Variants in CELF2 observed in about 807,000 individuals in gnomAD.
CELF2 encodes the protein CUGBP Elav-like family member 2.
A neutral mutation model predicts 62.6 loss-of-function variants in CELF2; 8 were observed. That is an observed-to-expected ratio of 0.13 (90% confidence interval 0.07 to 0.23). The LOEUF is 0.23. Among genes scored for constraint, CELF2 ranks in the 10% least tolerant of loss-of-function variants. The pLI, the probability that CELF2 is intolerant of heterozygous loss-of-function variation, is 1.00. For synonymous variants in CELF2, 258 were observed against 250.0 expected (o/e 1.03, Z -0.30); for missense variants, 333 against 671.0 (o/e 0.50, Z 5.56).
At chr10:10,714,172 G>A in the CELF2 span, among the ~76,000 whole-genome samples, 1 of 152,124 alleles carries the variant, frequency 6.6e-6, no homozygotes, top group Non-Finnish European at 1.5e-5. Flanking sequence ...ACATCTTTTG[G>A]CCACTAGAAA....
chr10:10,718,537 T>C, the CELF2 span, among the ~76,000 whole-genome samples: 3 of 150,630 alleles, frequency 2.0e-5, no homozygotes, highest in African/African-American at 7.3e-5. Flanking sequence ...GACAGGAGAA[T>C]TGCTTGACCC....
intron 1 of CELF2, among the ~76,000 whole-genome samples, chr10:11,153,843 GT>G (rs1404068938): frequency 6.6e-6 from 1 of 152,208 alleles, no homozygotes; most frequent in Admixed American, 6.5e-5. Context: ...GAATTGTACA[GT>G]TTTTTCCCCT....
chr10:10,701,125 T>TA, the CELF2 span, among the ~76,000 whole-genome samples: 1 of 152,182 alleles, frequency 6.6e-6, no homozygotes, highest in African/African-American at 2.4e-5. Flanking sequence ...TCTGCTGTAA[T>TA]AAAACATCAT....
chr10:10,487,868 G>A, the CELF2 span, among the ~76,000 whole-genome samples: 2 of 152,216 alleles, frequency 1.3e-5, no homozygotes, highest in Middle Eastern at 3.4e-3. Context: ...ACATAAGAAT[G>A]AGAAATTGAA....
chr10:11,201,828 TATC>T (rs1415702424), intron 2 of CELF2, among the ~76,000 whole-genome samples: 1 of 152,228 alleles, frequency 6.6e-6, no homozygotes, highest in African/African-American at 2.4e-5. Context: ...TCCAGGCAAT[TATC>T]ATCTTCAGGA....
rs141398687 is a variant in CELF2, at chr10:11,263,434, C to T, written c.539-3164C>T. 2.4e-3 allele frequency among the ~76,000 whole-genome samples: 372 copies of T among 152,194 alleles called. 2 individuals carry two copies. Among genetic ancestry groups the T allele is most frequent in the Admixed American group, 0.015 (230 of 15,292 alleles). On this transcript the variant is annotated intron_variant, in intron 5 of 12. Transcript: ENST00000633077. ...GAAGTATGGCTTCATTATTTTGATACCTGTATATTTTCCCCCCAGCCTTGT... is the reference window on the plus strand; with the variant it reads ...GAAGTATGGCTTCATTATTTTGATATCTGTATATTTTCCCCCCAGCCTTGT...
At position 11,314,352 on chromosome 10, in the gene CELF2, A is replaced by G; in HGVS notation, c.1096+94A>G. 1 of 1,545,628 alleles carries G rather than the reference A, an allele frequency of 6.5e-7. No homozygotes were observed. The highest frequency in any genetic ancestry group is 8.9e-7 in the Non-Finnish European group (1 of 1,119,560). Reference sequence around the variant, plus strand: ...TCAGCCAGAAATGACCCGAAAAAGGATATGCCACGGGGAGAACTAAAACTT... The same window carrying G: ...TCAGCCAGAAATGACCCGAAAAAGGGTATGCCACGGGGAGAACTAAAACTT... On this transcript the variant is annotated intron_variant, in intron 10 of 12. Transcript: ENST00000633077. The surrounding 1 kb of genome is among the most constrained non-coding windows in gnomAD (Gnocchi z 5.3).
the CELF2 span, among the ~76,000 whole-genome samples, chr10:10,769,940 T>C: frequency 1.4e-3 from 214 of 152,240 alleles, no homozygotes; most frequent in African/African-American, 4.9e-3. Context: ...GCTGTACCAC[T>C]GGAGTTGTCC....
chr10:11,126,376 A>G (rs2058702338), intron 1 of CELF2, among the ~76,000 whole-genome samples: 1 of 152,318 alleles, frequency 6.6e-6, no homozygotes, highest in Admixed American at 6.5e-5. Flanking sequence ...CAACCCTTGC[A>G]AGGTGGACTA....
intron 1 of CELF2, among the ~76,000 whole-genome samples, chr10:11,050,649 G>T (rs2063751152): frequency 1.3e-5 from 2 of 152,154 alleles, no homozygotes; most frequent in African/African-American, 4.8e-5. Flanking sequence ...TCTCCCATCA[G>T]TCCCTGCCTT....
the CELF2 span, among the ~76,000 whole-genome samples, chr10:10,701,793 C>T: frequency 6.6e-6 from 1 of 152,224 alleles, no homozygotes; most frequent in African/African-American, 2.4e-5. Flanking sequence ...CTGCCATCAC[C>T]TCGCTTAGAG....
chr10:11,122,662 C>T (rs1427420965), intron 1 of CELF2, among the ~76,000 whole-genome samples: 2 of 152,214 alleles, frequency 1.3e-5, no homozygotes, highest in Non-Finnish European at 2.9e-5. Flanking sequence ...TCCTTTAACA[C>T]TATGAGAAAC....
At position 11,259,450 on chromosome 10, in the gene CELF2, G is replaced by A. The variant is rs184982915; in HGVS notation, c.538+1578G>A. On this transcript the variant is annotated intron_variant, in intron 5 of 12. Transcript: ENST00000633077. ...GGTTTAAAAAAAAAAAAAAAAAGGC[G>A]GCATGGAAATCAGTTTATGCATTCT... Among the ~76,000 whole-genome samples, 5 of 147,266 alleles carry A rather than the reference G, an allele frequency of 3.4e-5. No individual in the cohort carries two copies. The South Asian group carries it at 6.4e-4, about 19-fold the overall frequency.
upstream of CELF2, among the ~76,000 whole-genome samples, chr10:10,797,590 A>G (rs1028263460): frequency 1.3e-5 from 2 of 152,222 alleles, no homozygotes; most frequent in African/African-American, 4.8e-5. Context: ...AATATAAAGA[A>G]AGACTATCAA....
intron 2 of CELF2, among the ~76,000 whole-genome samples, chr10:11,187,903 C>G (rs1422893427): frequency 6.6e-6 from 1 of 152,176 alleles, no homozygotes; most frequent in Non-Finnish European, 1.5e-5. Context: ...ACTATCTCGC[C>G]TGTTTATGCT....
chr10:11,146,273 A>T (rs1406354761), intron 1 of CELF2, among the ~76,000 whole-genome samples: 1 of 152,218 alleles, frequency 6.6e-6, no homozygotes, highest in Non-Finnish European at 1.5e-5. Context: ...AGTATTTTCC[A>T]CATGTTCATG....
intron 1 of CELF2, among the ~76,000 whole-genome samples, chr10:11,020,080 T>C (rs1191910373): frequency 6.6e-6 from 1 of 152,232 alleles, no homozygotes; most frequent in African/African-American, 2.4e-5. Context: ...CCTTTTCATT[T>C]GGTGGATGAA....
chr10:11,180,917 T>G (rs1299157513), intron 2 of CELF2, among the ~76,000 whole-genome samples: 1 of 152,224 alleles, frequency 6.6e-6, no homozygotes, highest in Admixed American at 6.5e-5. Flanking sequence ...TTGCCCAGGC[T>G]GGAGTGCAAT....
chr10:10,902,708 T>C (rs2134137416), intron 1 of CELF2, among the ~76,000 whole-genome samples: 1 of 152,048 alleles, frequency 6.6e-6, no homozygotes, highest in South Asian at 2.1e-4. Context: ...ATTTATGAAA[T>C]CCTGTACTTT....
Sources: gnomAD v4.1 joint callset for allele counts (sites outside exome capture counted in the v4.1 genomes callset) on GRCh38, gnomAD v4.1.1 for gene constraint, Gnocchi (gnomAD v3.1) non-coding constraint, MANE v1.5 for transcripts, NCBI Gene and HGNC (gene_info 2026-07-23, HGNC 2026-07-21) for gene names.